The following SLC9A9 variants were observed in gnomAD, a reference collection of about 807,000 sequenced individuals.
The protein encoded by SLC9A9 is solute carrier family 9 member A9.
SLC9A9 carries 62 observed loss-of-function variants against 77.8 expected under a neutral mutation model. That is an observed-to-expected ratio of 0.80 (90% CI 0.65 to 0.98). SLC9A9 has a LOEUF of 0.98. Among genes scored for constraint, SLC9A9 ranks in the 50% least tolerant of loss-of-function variants. The pLI is 0.00. For missense variants in SLC9A9, 775 were observed against 774.9 expected, an observed-to-expected ratio of 1.00 and a Z score of 0.00; for synonymous variants, 320 against 283.5, an observed-to-expected ratio of 1.13 and a Z score of -1.29.
At chr3:143,708,064 G>A (rs958321015) in intron 4 of SLC9A9, among the ~76,000 whole-genome samples, 2 of 152,050 alleles carry the variant, frequency 1.3e-5, no homozygotes, top group Non-Finnish European at 2.9e-5. Flanking sequence ...CAAGGTTCTT[G>A]GAGGAAATAA....
At chr3:143,604,636 T>C (rs1007960188) in intron 6 of SLC9A9, among the ~76,000 whole-genome samples, 33 of 152,156 alleles carry the variant, frequency 2.2e-4, no homozygotes, top group African/African-American at 6.0e-4. Context: ...GTATATAAAG[T>C]GCAAATCAAA....
intron 4 of SLC9A9, among the ~76,000 whole-genome samples, chr3:143,732,354 T>G (rs115195168): frequency 0.012 from 1,821 of 152,354 alleles, 13 homozygotes; most frequent in Middle Eastern, 0.027. Flanking sequence ...ATCTATGATC[T>G]AATCATGGGT....
At chr3:143,440,560 C>T (rs890356023) in intron 12 of SLC9A9, among the ~76,000 whole-genome samples, 4 of 152,166 alleles carry the variant, frequency 2.6e-5, no homozygotes, top group Non-Finnish European at 2.9e-5. Flanking sequence ...TCTCAAAGCC[C>T]GCATGGCTCA....
At position 143,848,459 on chromosome 3, in the gene SLC9A9, G is replaced by C. The variant is rs966497472; in HGVS notation, c.-137C>G. 5.3e-6 allele frequency: 6 copies of C among 1,122,106 alleles called. No homozygotes were observed. The highest frequency in any genetic ancestry group is 6.6e-6 in the Non-Finnish European group (5 of 759,226). 69.5% of individuals were successfully genotyped at this position (1,122,106 alleles called of 1,614,324 possible). A position where few individuals can be genotyped will look rare whatever the true frequency, so the allele number is the denominator to read the frequency against. On this transcript the variant is annotated 5_prime_UTR_variant, in exon 1 of 16. Transcript: ENST00000316549. ...TTAGTTGCTACTTCACAAGCATTCT[G>C]CCCTGGCTTAGTATTCAGATGGCTT...
chr3:143,584,697 A>C (rs77217322), intron 6 of SLC9A9, among the ~76,000 whole-genome samples: 3,190 of 152,318 alleles, frequency 0.021, 54 homozygotes, highest in Middle Eastern at 0.051. Flanking sequence ...TTTTCCAATC[A>C]CTGCTTCCAG....
chr3:143,531,012 A>C (rs528026706), intron 9 of SLC9A9, among the ~76,000 whole-genome samples: 65 of 152,244 alleles, frequency 4.3e-4, no homozygotes, highest in Non-Finnish European at 8.7e-4. Flanking sequence ...AAATAACTGA[A>C]ACAAAACCTA....
intron 5 of SLC9A9, among the ~76,000 whole-genome samples, chr3:143,685,381 T>C (rs1333868321): frequency 6.6e-6 from 1 of 152,124 alleles, no homozygotes; most frequent in Admixed American, 6.6e-5. Context: ...ACAGCAACTC[T>C]AGAATGTGCC....
At chr3:143,553,772 A>G (rs920925033) in intron 8 of SLC9A9, among the ~76,000 whole-genome samples, 1 of 152,234 alleles carries the variant, frequency 6.6e-6, no homozygotes, top group Admixed American at 6.5e-5. Flanking sequence ...ACCATGAAAT[A>G]TCTATTCAGT....
intron 4 of SLC9A9, among the ~76,000 whole-genome samples, chr3:143,706,128 C>A (rs1187008664): frequency 6.6e-6 from 1 of 152,200 alleles, no homozygotes; most frequent in African/African-American, 2.4e-5. Flanking sequence ...CTGAATTTTT[C>A]CCCTGGACTG....
At chr3:143,775,639 ATTCT>A (rs1206087188) in intron 4 of SLC9A9, among the ~76,000 whole-genome samples, 1 of 152,172 alleles carries the variant, frequency 6.6e-6, no homozygotes, top group African/African-American at 2.4e-5. Flanking sequence ...TAATTGTTTC[ATTCT>A]GTTGATTTTG....
intron 4 of SLC9A9, among the ~76,000 whole-genome samples, chr3:143,784,936 T>C (rs2008001969): frequency 6.6e-6 from 1 of 152,208 alleles, no homozygotes; most frequent in Non-Finnish European, 1.5e-5. Flanking sequence ...CATGTGAAGA[T>C]ACACTAGAAA....
At chr3:143,403,050 G>C (rs1199556786) in intron 12 of SLC9A9, among the ~76,000 whole-genome samples, 1 of 151,750 alleles carries the variant, frequency 6.6e-6, no homozygotes, top group East Asian at 1.9e-4. Context: ...TACTGAACCA[G>C]AAATAAGATT....
chr3:143,610,353 C>T (rs988597981), intron 6 of SLC9A9, among the ~76,000 whole-genome samples: 1 of 152,080 alleles, frequency 6.6e-6, no homozygotes, highest in Admixed American at 6.6e-5. Context: ...CGCCATGTTG[C>T]CCAGGCTGGT....
intron 14 of SLC9A9, chr3:143,342,343 C>G (rs903016184): frequency 3.3e-5 from 5 of 152,262 alleles, no homozygotes; most frequent in African/African-American, 1.2e-4. Flanking sequence ...TGCTACCATA[C>G]CGAGCTAATT....
In SLC9A9 at chr3:143,350,631, C is replaced by A. The variant is rs142207071; in HGVS notation, c.1604+12853G>T. ...GTCTGTTGTGTTTGTTTGGTATTTT[C>A]TAGTGTTCAAAGTGGTTTCATTCAC... On this transcript the variant is annotated intron_variant, in intron 14 of 15. Transcript: ENST00000316549. Among the ~76,000 whole-genome samples the A allele has an allele frequency of 1.1e-3, 168 of 152,282 alleles. 2 individuals carry two copies. Among genetic ancestry groups the A allele is most frequent in the African/African-American group, 3.8e-3 (156 of 41,544 alleles).
At chr3:143,640,599 A>G (rs13101180) in intron 6 of SLC9A9, among the ~76,000 whole-genome samples, 120,274 of 152,028 alleles carry the variant, frequency 0.79, 47,782 homozygotes, top group African/African-American at 0.84. Context: ...GGTGGCTCAC[A>G]ACTGTAATCC....
intron 6 of SLC9A9, among the ~76,000 whole-genome samples, chr3:143,626,448 G>A (rs2038328262): frequency 6.6e-6 from 1 of 152,192 alleles, no homozygotes; most frequent in African/African-American, 2.4e-5. Flanking sequence ...AAAAAATGAT[G>A]AGTTCATATC....
intron 14 of SLC9A9, among the ~76,000 whole-genome samples, chr3:143,306,682 C>A (rs1169602819): frequency 1.3e-5 from 2 of 152,142 alleles, no homozygotes; most frequent in Non-Finnish European, 2.9e-5. Flanking sequence ...TGGAATCCTG[C>A]CATCACCTGA....
intron 6 of SLC9A9, among the ~76,000 whole-genome samples, chr3:143,646,652 C>A (rs970988388): frequency 6.6e-6 from 1 of 152,158 alleles, no homozygotes; most frequent in African/African-American, 2.4e-5. Context: ...ATGCATTCAT[C>A]TCCATGGAGA....
Sources: gnomAD v4.1 joint callset for allele counts (sites outside exome capture counted in the v4.1 genomes callset) on GRCh38, gnomAD v4.1.1 for gene constraint, MANE v1.5 for transcripts, NCBI Gene and HGNC (gene_info 2026-07-23, HGNC 2026-07-21) for gene names.